The following CCDC102A variants were observed in gnomAD, a reference collection of about 807,000 sequenced individuals.
The protein encoded by CCDC102A is coiled-coil domain containing 102A.
In CCDC102A, 40 loss-of-function variants were observed where a neutral mutation model predicts 55.5. The ratio of observed to expected loss-of-function variants is 0.72; its 90% CI spans 0.56 to 0.94. The LOEUF (loss-of-function observed/expected upper bound fraction) is 0.94. Among genes scored for constraint, CCDC102A ranks in the 40% least tolerant of loss-of-function variants. The probability of loss-of-function intolerance (pLI) is 0.00; values close to 1 mark genes in which losing one functional copy is unlikely to be tolerated. For missense variants in CCDC102A, 779 were observed against 768.6 expected (o/e 1.01, Z -0.16); for synonymous variants, 323 against 339.0 (o/e 0.95, Z 0.52).
chr16:57,532,729 ACACAC>A (rs2032291737), intron 1 of CCDC102A, among the ~76,000 whole-genome samples: 1 of 151,108 alleles, frequency 6.6e-6, no homozygotes, highest in African/African-American at 2.4e-5. Context: ...ACACACACAC[ACACAC>A]AGAGGCAGAC....
At chr16:57,513,728 A>G (rs978547008) in intron 8 of CCDC102A, among the ~76,000 whole-genome samples, 12 of 152,222 alleles carry the variant, frequency 7.9e-5, no homozygotes, top group Admixed American at 7.9e-4. Context: ...GCAGGGTCAG[A>G]GCAGGCAGAG....
At position 57,525,988 on chromosome 16, in the gene CCDC102A, G is replaced by A. The variant is rs1327340084; in HGVS notation, c.725C>T (p.Thr242Ile). The change falls in exon 3 of 9, where the codon ACA becomes ATA. Residue 242 changes from threonine (T) to isoleucine (I), a missense_variant. By Grantham distance (89) the Thr-to-Ile change is moderately conservative. Transcript: ENST00000258214. The part of the protein sequence containing the change: ...QERSRLPWED[T>I]AATEEEASKL... ...GGAGGCCTCCTCCTCCGTGGCAGCT[G>A]TGTCCTCCCAGGGTAGCCGGCTGCG... 2.5e-6 allele frequency: 4 copies of A among 1,611,172 alleles called. No homozygotes were observed. The African/African-American group carries it at 5.3e-5, about 22-fold the overall frequency.
chr16:57,536,129 C>T (rs923712438), intron 1 of CCDC102A, among the ~76,000 whole-genome samples: 2 of 152,148 alleles, frequency 1.3e-5, no homozygotes, highest in East Asian at 1.9e-4. Context: ...GATTGGCCAG[C>T]GCCGCCCGTC....
intron 3 of CCDC102A, among the ~76,000 whole-genome samples, chr16:57,521,814 C>T (rs1442192829): frequency 6.6e-6 from 1 of 152,242 alleles, no homozygotes; most frequent in African/African-American, 2.4e-5. Context: ...AATGGCTGAG[C>T]TCAGCATCAC....
chr16:57,536,214 C>T (rs894679763), intron 1 of CCDC102A, among the ~76,000 whole-genome samples: 17 of 152,102 alleles, frequency 1.1e-4, no homozygotes, highest in Non-Finnish European at 2.4e-4. Context: ...CCGCCGCCCC[C>T]TCCCGTCCGG....
rs1231807128 is a variant in CCDC102A at position 57,528,573 on chromosome 16, GC to G, written c.585+19del. The G allele has an allele frequency of 1.6e-6, 2 of 1,221,402 alleles. No homozygotes were observed. The highest frequency in any genetic ancestry group is 1.0e-6 in the Non-Finnish European group (1 of 973,908). 75.7% of individuals were successfully genotyped at this position (1,221,402 alleles called of 1,614,324 possible). ...CCCACTTCGAGACTGGAGCGCGAACGCCCCGCCCGCGCCGCGCACCTGGCTG... is the reference window on the plus strand; with the variant it reads ...CCCACTTCGAGACTGGAGCGCGAACGCCCGCCCGCGCCGCGCACCTGGCTG... On this transcript the variant is annotated intron_variant, in intron 2 of 8. Transcript: ENST00000258214.
upstream of CCDC102A, among the ~76,000 whole-genome samples, chr16:57,536,883 C>G (rs981917155): frequency 6.6e-6 from 1 of 152,158 alleles, no homozygotes; most frequent in African/African-American, 2.4e-5. Flanking sequence ...ACGTACTAGG[C>G]GCCCCCAGCA....
chr16:57,534,597 T>G (rs761517111), intron 1 of CCDC102A, among the ~76,000 whole-genome samples: 2 of 152,156 alleles, frequency 1.3e-5, no homozygotes, highest in Non-Finnish European at 2.9e-5. Context: ...GCAAAGGCCT[T>G]ACTTTGAAGT....
At chr16:57,531,053 C>T (rs1448128498) in intron 1 of CCDC102A, among the ~76,000 whole-genome samples, 3 of 151,918 alleles carry the variant, frequency 2.0e-5, no homozygotes, top group South Asian at 2.1e-4. Context: ...CGGCTGTCAT[C>T]GGGCCCTGGG....
intron 3 of CCDC102A, among the ~76,000 whole-genome samples, chr16:57,522,396 A>G (rs1166121969): frequency 1.3e-5 from 2 of 151,526 alleles, no homozygotes; most frequent in East Asian, 1.9e-4. Flanking sequence ...CTGGGCAAGT[A>G]CCTCCCTCCT....
intron 8 of CCDC102A, among the ~76,000 whole-genome samples, chr16:57,513,206 C>G (rs1358392551): frequency 6.6e-6 from 1 of 152,194 alleles, no homozygotes; most frequent in Non-Finnish European, 1.5e-5. Context: ...TGAACCCAAG[C>G]CTGGCTCTCA....
In CCDC102A at chr16:57,518,260, G is replaced by A. The variant is rs374804198; in HGVS notation, c.1056C>T (p.Ala352=). The change falls in exon 6 of 9, where the codon GCC becomes GCT. Residue 352 remains alanine, a synonymous_variant. Transcript: ENST00000258214. ...ELRGEMERLQ[A]ENAAEWGRRE... ...GGCGGCCCCACTCCGCAGCGTTTTC[G>A]GCCTGCAGCCGCTCCATCTGCAGCA... The A allele has an allele frequency of 1.8e-5, 29 of 1,609,584 alleles. No individual in the cohort carries two copies. The African/African-American group carries it at 2.1e-4, about 12-fold the overall frequency.
intron 2 of CCDC102A, 67 bp downstream of exon 2, chr16:57,528,526 C>T: frequency 9.5e-7 from 1 of 1,055,408 alleles, no homozygotes; most frequent in Non-Finnish European, 1.2e-6. Flanking sequence ...CTGAGCCCAG[C>T]AGCTCAGGAC....
chr16:57,516,998 CTTT>C lies in CCDC102A; in HGVS notation c.1249-538_1249-536del, dbSNP rs1193705130. Among the ~76,000 whole-genome samples, 3 of 152,270 alleles carry C rather than the reference CTTT, an allele frequency of 2.0e-5. No homozygotes were observed. The East Asian group carries it at 5.8e-4, about 29-fold the overall frequency. On this transcript the variant is annotated intron_variant, in intron 6 of 8. Transcript: ENST00000258214. The surrounding 1 kb of genome is among the most constrained non-coding windows in gnomAD (Gnocchi z 4.4). ...TGCCTAAAGGTCTCTTGAGTCCATC[CTTT>C]TTGTTCCATCTCTACTGACTGCAAC... is the stretch of plus-strand genomic sequence containing the variant.
intron 8 of CCDC102A, 92 bp from the exon 9 acceptor site, chr16:57,512,962 C>G (rs2031892975): frequency 9.4e-7 from 1 of 1,068,380 alleles, no homozygotes; most frequent in Admixed American, 2.0e-5. Flanking sequence ...GTTAAGCCTT[C>G]CCTGGTGCTT....
At chr16:57,521,035 C>T (rs1208866971) in intron 4 of CCDC102A, 33 bp downstream of exon 4, 2 of 1,461,706 alleles carry the variant, frequency 1.4e-6, no homozygotes, top group Non-Finnish European at 1.9e-6. Context: ...ATCCTGCCGC[C>T]TCCAGGAAGA....
At chr16:57,520,616 T>C (rs900116680) in intron 4 of CCDC102A, among the ~76,000 whole-genome samples, 5 of 141,122 alleles carry the variant, frequency 3.5e-5, no homozygotes, top group Non-Finnish European at 7.7e-5. Context: ...ATAAATAAAA[T>C]AAAATAAAAT....
chr16:57,536,005 T>A (rs2032371330), intron 1 of CCDC102A, among the ~76,000 whole-genome samples: 1 of 152,104 alleles, frequency 6.6e-6, no homozygotes, highest in South Asian at 2.1e-4. Flanking sequence ...CCGCTCCACC[T>A]AGCGACGGGC....
At chr16:57,531,805 C>T (rs746056887) in intron 1 of CCDC102A, among the ~76,000 whole-genome samples, 2 of 152,222 alleles carry the variant, frequency 1.3e-5, no homozygotes, top group African/African-American at 2.4e-5. Flanking sequence ...CCCTCCTGTT[C>T]TGGCTTCTCC....
Sources: gnomAD v4.1 joint callset for allele counts (sites outside exome capture counted in the v4.1 genomes callset) on GRCh38, gnomAD v4.1.1 for gene constraint, Gnocchi (gnomAD v3.1) non-coding constraint, MANE v1.5 for transcripts, NCBI Gene and HGNC (gene_info 2026-07-23, HGNC 2026-07-21) for gene names.